The following WDR45B variants were observed in gnomAD, a reference collection of about 807,000 sequenced individuals.
WDR45B encodes the protein WD repeat domain 45B.
In WDR45B, 20 loss-of-function variants were observed where a neutral mutation model predicts 44.6. The observed-to-expected ratio is 0.45, with a 90% CI of 0.32 to 0.65. The LOEUF is 0.65. Ranked by LOEUF, WDR45B falls within the 30% of genes least tolerant of loss-of-function variation. WDR45B has a pLI of 0.05. For synonymous variants in WDR45B, 169 were observed against 164.9 expected (o/e 1.02, Z -0.19); for missense variants, 323 against 430.2 (o/e 0.75, Z 2.20).
intron 1 of WDR45B, chr17:82,644,657 C>T (rs528080481): frequency 8.2e-4 from 130 of 159,422 alleles, no homozygotes; most frequent in Non-Finnish European, 1.4e-3. Context: ...CACTTAAGTG[C>T]GTAGATGATC....
chr17:82,647,656 G>A (rs1477517766), intron 1 of WDR45B, among the ~76,000 whole-genome samples: 1 of 152,036 alleles, frequency 6.6e-6, no homozygotes, highest in African/African-American at 2.4e-5. Flanking sequence ...GGGGAGTGGG[G>A]GTGGGGAGAG....
chr17:82,627,753 C>T (rs1270744741), intron 3 of WDR45B, among the ~76,000 whole-genome samples: 2 of 152,266 alleles, frequency 1.3e-5, no homozygotes, highest in Non-Finnish European at 2.9e-5. Context: ...GCGCGCTGAG[C>T]GCGTTCATCT....
At chr17:82,647,374 C>T (rs2045992017) in intron 1 of WDR45B, among the ~76,000 whole-genome samples, 1 of 152,240 alleles carries the variant, frequency 6.6e-6, no homozygotes, top group South Asian at 2.1e-4. Flanking sequence ...TCCTCCCCAT[C>T]AGGACCTTTG....
intron 2 of WDR45B, among the ~76,000 whole-genome samples, chr17:82,642,164 C>T (rs796926709): frequency 4.8e-4 from 73 of 152,142 alleles, no homozygotes; most frequent in African/African-American, 1.5e-3. Flanking sequence ...TCTGCAACCC[C>T]GGGGCAGTAC....
At chr17:82,642,769 A>C (rs2045933405) in intron 2 of WDR45B, among the ~76,000 whole-genome samples, 1 of 152,180 alleles carries the variant, frequency 6.6e-6, no homozygotes, top group Admixed American at 6.6e-5. Flanking sequence ...CTGTGCTGAC[A>C]ACTGTCGTGC....
chr17:82,640,116 A>G (rs1338028032), intron 2 of WDR45B, among the ~76,000 whole-genome samples: 1 of 152,154 alleles, frequency 6.6e-6, no homozygotes, highest in East Asian at 1.9e-4. Context: ...GCTTCCCTGA[A>G]CTACCAGCTT....
intron 1 of WDR45B, 85 bp downstream of exon 1, chr17:82,648,189 G>A (rs2046006788): frequency 2.7e-6 from 4 of 1,467,194 alleles, no homozygotes; most frequent in African/African-American, 1.5e-5. Flanking sequence ...GCCGGAAAGG[G>A]GCGCCCAGGA....
intron 1 of WDR45B, among the ~76,000 whole-genome samples, chr17:82,645,845 G>A (rs545960509): frequency 3.9e-5 from 6 of 152,240 alleles, no homozygotes; most frequent in African/African-American, 7.2e-5. Context: ...TGATCTGGCC[G>A]GGCACGGTGG....
chr17:82,641,724 G>A (rs1182590268), intron 2 of WDR45B, among the ~76,000 whole-genome samples: 2 of 152,060 alleles, frequency 1.3e-5, no homozygotes, highest in African/African-American at 2.4e-5. Context: ...GTGAAACACC[G>A]TCTCTACCAA....
chr17:82,629,421 G>T, intron 3 of WDR45B: 2 of 825,844 alleles, frequency 2.4e-6, no homozygotes, highest in Non-Finnish European at 2.9e-6. Context: ...AACCTCCGCT[G>T]TCCCTTCTGG....
At position 82,615,551 on chromosome 17, in the gene WDR45B, T is replaced by C. The variant is rs1249001494; in HGVS notation, c.*368A>G. 6.1e-6 allele frequency: 2 copies of C among 326,048 alleles called. No individual in the cohort carries two copies. Among genetic ancestry groups the C allele is most frequent in the Admixed American group, 4.2e-5 (1 of 23,546 alleles). The allele number at this position is 326,048 out of a possible 1,614,324, so 20.2% of individuals were successfully genotyped here. A position where few individuals can be genotyped will look rare whatever the true frequency, so the allele number is the denominator to read the frequency against. ...ACTCAGTAAGAACGACGGAATCTGC[T>C]GCAAAAACAAACCTGAACTCGTCCA... On this transcript the variant is annotated 3_prime_UTR_variant, in exon 10 of 10. Coordinates refer to ENST00000392325, the MANE Select transcript of WDR45B (RefSeq NM_019613.4).
intron 2 of WDR45B, among the ~76,000 whole-genome samples, chr17:82,639,359 C>T (rs2045879510): frequency 6.6e-6 from 1 of 151,986 alleles, no homozygotes; most frequent in Non-Finnish European, 1.5e-5. Context: ...AACAGCGTTG[C>T]AAGTAATATT....
At chr17:82,629,321 C>T (rs1485890137) in intron 3 of WDR45B, among the ~76,000 whole-genome samples, 2 of 152,198 alleles carry the variant, frequency 1.3e-5, no homozygotes, top group African/African-American at 4.8e-5. Context: ...TGACAAGACA[C>T]AGACCAATTC....
intron 2 of WDR45B, among the ~76,000 whole-genome samples, chr17:82,639,964 CTG>C (rs113965390): frequency 0.012 from 571 of 46,342 alleles, no homozygotes; most frequent in African/African-American, 0.019. Flanking sequence ...GGCTGCTGGG[CTG>C]TGTGTGGGTC....
chr17:82,642,772 T>C (rs2143379546), intron 2 of WDR45B, among the ~76,000 whole-genome samples: 1 of 152,342 alleles, frequency 6.6e-6, no homozygotes, highest in East Asian at 1.9e-4. Context: ...TGCTGACAAC[T>C]GTCGTGCTGT....
chr17:82,640,248 C>T (rs1040849382), intron 2 of WDR45B, among the ~76,000 whole-genome samples: 1 of 152,174 alleles, frequency 6.6e-6, no homozygotes, highest in South Asian at 2.1e-4. Context: ...AGATCCAGGA[C>T]ACACTGTCAT....
Position 82,627,225 on chromosome 17 carries a change from G to A in WDR45B, c.311C>T (p.Ala104Val). Reference sequence around the variant, plus strand: ...CCACCTATCTCGCCGCAGCTTGACTGCCTTGACTTCTGTAGAAAATTCTAT... The same window carrying A: ...CCACCTATCTCGCCGCAGCTTGACTACCTTGACTTCTGTAGAAAATTCTAT... Reference protein sequence around the residue: ...IEIEFSTEVKAVKLRRDRIVV... With the variant: ...IEIEFSTEVKVVKLRRDRIVV... Residue 104 changes from alanine to valine, a missense_variant, in exon 4 of 10, where the codon GCA becomes GTA. By Grantham distance (64) the Ala-to-Val change is moderately conservative. Transcript: ENST00000392325. 1.9e-6 allele frequency: 3 copies of A among 1,613,582 alleles called. No homozygotes were observed. Among genetic ancestry groups the A allele is most frequent in the Non-Finnish European group, 2.5e-6 (3 of 1,179,874 alleles).
In WDR45B at chr17:82,623,806, G is replaced by A. The variant is rs117215392; in HGVS notation, c.427+1583C>T. Among the ~76,000 whole-genome samples the A allele has an allele frequency of 6.9e-3, 1,053 of 151,938 alleles. 9 individuals are homozygous for A. The highest frequency in any genetic ancestry group is 7.9e-3 in the Non-Finnish European group (536 of 67,976). ...CTTCCCAAAAGATCTCGAAAGGGAA[G>A]AACCACAGGGAAAGATGTCGCCACC... is the stretch of plus-strand genomic sequence containing the variant. On this transcript the variant is annotated intron_variant, in intron 5 of 9. Transcript: ENST00000392325.
At chr17:82,644,542 A>C (rs374260663) in intron 1 of WDR45B, 1 of 187,802 alleles carries the variant, frequency 5.3e-6, no homozygotes. Flanking sequence ...ATCCTGTCAG[A>C]GTCTCAATGA....
Sources: allele counts gnomAD v4.1 joint callset (sites outside exome capture counted in the v4.1 genomes callset), GRCh38; gene constraint gnomAD v4.1.1; transcripts MANE v1.5; gene names NCBI Gene and HGNC (gene_info 2026-07-23, HGNC 2026-07-21).